Variants in LRP1 observed in about 807,000 individuals in gnomAD.
The protein encoded by LRP1 is prolow-density lipoprotein receptor-related protein 1.
LRP1 carries 51 observed loss-of-function variants against 541.5 expected under a neutral mutation model. The observed-to-expected ratio is 0.09, with a 90% CI of 0.08 to 0.12. The LOEUF (loss-of-function observed/expected upper bound fraction) is 0.12. Among genes scored for constraint, LRP1 ranks in the 10% least tolerant of loss-of-function variants. The pLI is 1.00. For synonymous variants in LRP1, 2,219 were observed against 2,470.8 expected (o/e 0.90, Z 3.02); for missense variants, 3,878 against 6,376.2 (o/e 0.61, Z 13.34).
Position 57,185,355 on chromosome 12 carries a change from G to A in LRP1, c.6463+150G>A, listed in dbSNP as rs2036248734. ...GGCCCGAGAGACCCAGGGATGGGGA[G>A]GAAAGGCTGAGGTGCTCTGGGACAG... On this transcript the variant is annotated intron_variant, in intron 40 of 88. Transcript: ENST00000243077. The surrounding 1 kb of genome is among the most constrained non-coding windows in gnomAD (Gnocchi z 4.9). 15 of 1,375,920 alleles carry A rather than the reference G, an allele frequency of 1.1e-5. No homozygotes were observed. Among genetic ancestry groups the A allele is most frequent in the South Asian group, 1.4e-5 (1 of 71,710 alleles). 85.2% of individuals were successfully genotyped at this position (1,375,920 alleles called of 1,614,324 possible). A position where few individuals can be genotyped will look rare whatever the true frequency, so the allele number is the denominator to read the frequency against.
At position 57,178,913 on chromosome 12, in the gene LRP1, G is replaced by T; in HGVS notation, c.4630G>T (p.Gly1544Trp). Reference sequence around the variant, plus strand: ...AGCTCCCAATCCCTGTGAGGCCAATGGGGGCCAGGGCCCCTGCTCCCACCT... The same window carrying T: ...AGCTCCCAATCCCTGTGAGGCCAATTGGGGCCAGGGCCCCTGCTCCCACCT... ...PMAPNPCEAN[G>W]GQGPCSHLCL... The change falls in exon 28 of 89, where the codon GGG becomes TGG. Residue 1544 changes from glycine (G) to tryptophan (W), a missense_variant. Coordinates refer to ENST00000243077, the MANE Select transcript of LRP1 (RefSeq NM_002332.3). The surrounding 1 kb of genome is among the most constrained non-coding windows in gnomAD (Gnocchi z 5.8). The T allele has an allele frequency of 6.2e-7, 1 of 1,613,410 alleles. No individual in the cohort carries two copies. Among genetic ancestry groups the T allele is most frequent in the Non-Finnish European group, 8.5e-7 (1 of 1,179,810 alleles).
At chr12:57,151,998 G>A (rs2035535849) in intron 6 of LRP1, among the ~76,000 whole-genome samples, 1 of 152,140 alleles carries the variant, frequency 6.6e-6, no homozygotes, top group Non-Finnish European at 1.5e-5. Context: ...TCACCGGCCT[G>A]CTGAGTGGGG....
Position 57,192,983 on chromosome 12 carries a change from G to C in LRP1, c.7555+13G>C, listed in dbSNP as rs530426716. 6.2e-7 allele frequency: 1 copy of C among 1,610,170 alleles called. No individual in the cohort carries two copies. Among genetic ancestry groups the C allele is most frequent in the Admixed American group, 1.7e-5 (1 of 59,948 alleles). ...CTCACCTGCCGAGGTGAGAGAGGCGGGGGGGAGGGGCTGGCGGGGAACCCA... is the reference window on the plus strand; with the variant it reads ...CTCACCTGCCGAGGTGAGAGAGGCGCGGGGGAGGGGCTGGCGGGGAACCCA... On this transcript the variant is annotated intron_variant, in intron 45 of 88. Coordinates refer to ENST00000243077, the MANE Select transcript of LRP1 (RefSeq NM_002332.3).
chr12:57,203,591 C>T (rs1565753117), intron 70 of LRP1, 70 bp downstream of exon 70: 2 of 1,424,620 alleles, frequency 1.4e-6, no homozygotes, highest in Non-Finnish European at 1.8e-6. Context: ...CCCAGTCATT[C>T]ACTCATTCTT....
chr12:57,195,710 C>T lies in LRP1; in HGVS notation c.8490C>T (p.Cys2830=), dbSNP rs200983312. Residue 2830 remains cysteine (C), a synonymous_variant, in exon 53 of 89, where the codon TGC becomes TGT. Transcript: ENST00000243077. ...AGTTCATGTGCCAGAACCGCCAGTG[C>T]ATCCCCAAGCACTTCGTGTGTGACC... ...DREFMCQNRQ[C]IPKHFVCDHD... 366 of 1,614,174 alleles carry T rather than the reference C, an allele frequency of 2.3e-4. 3 individuals are homozygous for T. The South Asian group carries it at 3.7e-3, about 16-fold the overall frequency.
chr12:57,198,454 C>T lies in LRP1; in HGVS notation c.9471-11C>T, dbSNP rs1565749370. The T allele has an allele frequency of 1.2e-6, 2 of 1,612,808 alleles. No individual in the cohort carries two copies. Among genetic ancestry groups the T allele is most frequent in the South Asian group, 1.1e-5 (1 of 91,032 alleles). On this transcript the variant is annotated splice_polypyrimidine_tract_variant and intron_variant, in intron 59 of 88. Coordinates refer to ENST00000243077, the MANE Select transcript of LRP1 (RefSeq NM_002332.3). ...GGGATCTCCCAGGGCTCACTGCCTA[C>T]CCATCGCCAGGTACCTGTACTGGAC...
rs142887009 is a variant in LRP1, at chr12:57,156,799, C to A, written c.1440C>A (p.Asn480Lys). The change falls in exon 10 of 89, where the codon AAC becomes AAA. Residue 480 changes from asparagine (N) to lysine (K), a missense_variant. Physicochemically the swap from Asn to Lys is moderately conservative, Grantham distance 94 (BLOSUM62 0). Transcript: ENST00000243077. The surrounding 1 kb of genome is among the most constrained non-coding windows in gnomAD (Gnocchi z 5.2). Reference protein sequence around the residue: ...QPRVRSHACENDQYGKPGGCS... With the variant: ...QPRVRSHACEKDQYGKPGGCS... ...CAGTGAGGAGCCATGCCTGTGAAAACGACCAGTATGGGAAGCCGGGTGGCT... is the reference window on the plus strand; with the variant it reads ...CAGTGAGGAGCCATGCCTGTGAAAAAGACCAGTATGGGAAGCCGGGTGGCT... The A allele has an allele frequency of 6.2e-7, 1 of 1,609,582 alleles. No homozygotes were observed. Among genetic ancestry groups the A allele is most frequent in the Non-Finnish European group, 8.5e-7 (1 of 1,177,718 alleles).
In LRP1 at chr12:57,190,789, GA is replaced by G. The variant is rs758274857; in HGVS notation, c.7032-15del. On this transcript the variant is annotated splice_polypyrimidine_tract_variant and intron_variant, in intron 42 of 88. Transcript: ENST00000243077. The stretch of plus-strand genomic sequence containing the variant: ...CTCAGGCTTTGCCTCCTGATCTCTG[GA>G]CCCTCTTCCCCCAGCCTCATGTTCT... 2.5e-6 allele frequency: 4 copies of G among 1,611,650 alleles called. No homozygotes were observed. Among genetic ancestry groups the G allele is most frequent in the Non-Finnish European group, 3.4e-6 (4 of 1,178,686 alleles).
In LRP1 at chr12:57,180,814, G is replaced by A; in HGVS notation, c.5527+7G>A. ...GACGAGAGCATCCAGCTGGGTAGGTGCGAGGCCGGGCGGCCGCTGGGGGCT... is the reference window on the plus strand; with the variant it reads ...GACGAGAGCATCCAGCTGGGTAGGTACGAGGCCGGGCGGCCGCTGGGGGCT... On this transcript the variant is annotated splice_region_variant and intron_variant, in intron 33 of 88. Transcript: ENST00000243077. The A allele has an allele frequency of 4.3e-6, 7 of 1,613,212 alleles. No homozygotes were observed. Among genetic ancestry groups the A allele is most frequent in the Non-Finnish European group, 5.9e-6 (7 of 1,179,926 alleles).
At chr12:57,191,088 C>T in intron 43 of LRP1, 79 bp downstream of exon 43, 4 of 1,424,712 alleles carry the variant, frequency 2.8e-6, no homozygotes, top group Middle Eastern at 2.1e-4. Context: ...CAAGACCGTC[C>T]AGGCACAGAC....
Position 57,198,146 on chromosome 12 carries a change from C to A in LRP1, c.9283-10C>A. On this transcript the variant is annotated splice_polypyrimidine_tract_variant and intron_variant, in intron 58 of 88. Coordinates refer to ENST00000243077, the MANE Select transcript of LRP1 (RefSeq NM_002332.3). The stretch of plus-strand genomic sequence containing the variant: ...ACCCAGAGCTCTCCCTCCCCTGCCC[C>A]TTCCTGCAGGTCCTACACCGTACAG... 1 of 1,593,750 alleles carries A rather than the reference C, an allele frequency of 6.3e-7. No individual in the cohort carries two copies. Among genetic ancestry groups the A allele is most frequent in the South Asian group, 1.1e-5 (1 of 90,634 alleles).
At chr12:57,190,273 C>G (rs1457517123) in intron 42 of LRP1, among the ~76,000 whole-genome samples, 1 of 152,220 alleles carries the variant, frequency 6.6e-6, no homozygotes, top group Non-Finnish European at 1.5e-5. Context: ...AGACAGCCAG[C>G]CTCCCTGCAC....
At position 57,208,227 on chromosome 12, in the gene LRP1, G is replaced by A; in HGVS notation, c.12038+11G>A. The A allele has an allele frequency of 6.2e-7, 1 of 1,611,168 alleles. No individual in the cohort carries two copies. Among genetic ancestry groups the A allele is most frequent in the Non-Finnish European group, 8.5e-7 (1 of 1,178,650 alleles). On this transcript the variant is annotated intron_variant, in intron 77 of 88. Coordinates refer to ENST00000243077, the MANE Select transcript of LRP1 (RefSeq NM_002332.3). ...GGACCCACTGAGGGGGTGGGCAAGGGCCCTGGGGGGAGGCCTCTGGGCTGG... is the reference window on the plus strand; with the variant it reads ...GGACCCACTGAGGGGGTGGGCAAGGACCCTGGGGGGAGGCCTCTGGGCTGG...
chr12:57,136,633 G>C (rs1280078946), intron 1 of LRP1, among the ~76,000 whole-genome samples: 2 of 152,170 alleles, frequency 1.3e-5, no homozygotes, highest in Non-Finnish European at 2.9e-5. Context: ...AGGAGACTGG[G>C]AGCTCAGCCT....
Position 57,165,774 on chromosome 12 carries a change from T to A in LRP1, c.2531-31T>A, listed in dbSNP as rs750233039. 6 of 1,602,006 alleles carry A rather than the reference T, an allele frequency of 3.7e-6. No homozygotes were observed. In the East Asian group the frequency reaches 1.3e-4, roughly 36 times the overall value. On this transcript the variant is annotated intron_variant, in intron 15 of 88. Coordinates refer to ENST00000243077, the MANE Select transcript of LRP1 (RefSeq NM_002332.3). The surrounding 1 kb of genome is among the most constrained non-coding windows in gnomAD (Gnocchi z 4.5). ...ACTTGTCCCACGACCGGGGTCTGAC[T>A]TTCCCCCTCACGATCCTGTGGTGCC... is the stretch of plus-strand genomic sequence containing the variant.
Position 57,201,297 on chromosome 12 carries a change from T to C in LRP1, c.10345+144T>C. 1 of 1,394,250 alleles carries C rather than the reference T, an allele frequency of 7.2e-7. No individual in the cohort carries two copies. 86.4% of individuals were successfully genotyped at this position (1,394,250 alleles called of 1,614,324 possible). The stretch of plus-strand genomic sequence containing the variant: ...TTATATTGGGTGTAACTTGCTTTGC[T>C]CATAAAAATCATCATGCATGATATA... On this transcript the variant is annotated intron_variant, in intron 65 of 88. Transcript: ENST00000243077. This position sits in a 1 kb window ranked among gnomAD's most constrained non-coding sequence, Gnocchi z 6.4.
chr12:57,144,838 T>C, intron 4 of LRP1, 134 bp from the exon 5 acceptor site: 4 of 872,006 alleles, frequency 4.6e-6, no homozygotes, highest in Non-Finnish European at 7.4e-6. Context: ...GCACATTTCA[T>C]GCTGTAATAG....
intron 1 of LRP1, among the ~76,000 whole-genome samples, chr12:57,132,494 T>A (rs528185506): frequency 3.7e-4 from 56 of 152,278 alleles, no homozygotes; most frequent in African/African-American, 1.3e-3. Context: ...ATAGGACAGA[T>A]CTTGCTCCCA....
chr12:57,160,071 T>C (rs1487578158), intron 12 of LRP1, 66 bp downstream of exon 12: 4 of 1,533,568 alleles, frequency 2.6e-6, no homozygotes, highest in Non-Finnish European at 3.6e-6. Flanking sequence ...AACTGGAGGA[T>C]GAAATGGACA....
Sources: allele counts gnomAD v4.1 joint callset (sites outside exome capture counted in the v4.1 genomes callset), GRCh38; gene constraint gnomAD v4.1.1; non-coding constraint Gnocchi (gnomAD v3.1); transcripts MANE v1.5; gene names NCBI Gene and HGNC (gene_info 2026-07-23, HGNC 2026-07-21).